The following SKIC3 variants were observed in gnomAD, a reference collection of about 807,000 sequenced individuals.
SKIC3 encodes superkiller complex protein 3.
chr5:95,536,992 C>G, the SKIC3 span: 5 of 1,602,328 alleles, frequency 3.1e-6, no homozygotes, highest in African/African-American at 6.7e-5. Context: ...GAACACTTTC[C>G]TAATTAGAAA....
chr5:95,498,144 A>T, the SKIC3 span, among the ~76,000 whole-genome samples: 1 of 152,164 alleles, frequency 6.6e-6, no homozygotes, highest in African/African-American at 2.4e-5. Flanking sequence ...TTGGGCCTTA[A>T]CCTGACTAAG....
chr5:95,475,171 A>G, the SKIC3 span, among the ~76,000 whole-genome samples: 1 of 152,004 alleles, frequency 6.6e-6, no homozygotes, highest in Admixed American at 6.6e-5. Context: ...GTACAGGGAC[A>G]CTCTGGCTGC....
the SKIC3 span, chr5:95,520,572 T>C: frequency 1.0e-4 from 67 of 652,072 alleles, no homozygotes; most frequent in Non-Finnish European, 1.6e-4. Context: ...ACATGTATGT[T>C]ATAGAATTGG....
the SKIC3 span, among the ~76,000 whole-genome samples, chr5:95,534,244 AG>A: frequency 1.3e-5 from 2 of 152,112 alleles, no homozygotes; most frequent in Admixed American, 6.5e-5. Flanking sequence ...AGACTTCCTA[AG>A]TATGCTCCTT....
At chr5:95,551,051 C>T in the SKIC3 span, among the ~76,000 whole-genome samples, 1 of 152,084 alleles carries the variant, frequency 6.6e-6, no homozygotes, top group Non-Finnish European at 1.5e-5. Context: ...TATTTACACC[C>T]AATTTGCAGC....
At chr5:95,553,718 C>T in the SKIC3 span, among the ~76,000 whole-genome samples, 1 of 152,176 alleles carries the variant, frequency 6.6e-6, no homozygotes, top group Non-Finnish European at 1.5e-5. Flanking sequence ...CGCCACCACG[C>T]CCAGTATTTT....
chr5:95,496,807 G>A, the SKIC3 span, among the ~76,000 whole-genome samples: 1 of 152,034 alleles, frequency 6.6e-6, no homozygotes, highest in Non-Finnish European at 1.5e-5. Context: ...ATTATTAGTC[G>A]TGGCAAGTGT....
the SKIC3 span, among the ~76,000 whole-genome samples, chr5:95,484,224 A>G: frequency 3.9e-5 from 6 of 152,190 alleles, no homozygotes; most frequent in Admixed American, 2.0e-4. Flanking sequence ...GTTCAAATAC[A>G]AAATGCTAAA....
At chr5:95,537,232 A>C in the SKIC3 span, 1 of 1,096,614 alleles carries the variant, frequency 9.1e-7, no homozygotes, top group Non-Finnish European at 1.4e-6. Context: ...TACACGTTCA[A>C]TTAACTGCAA....
chr5:95,484,807 G>C, the SKIC3 span: 2 of 1,614,070 alleles, frequency 1.2e-6, no homozygotes, highest in Admixed American at 3.3e-5. Flanking sequence ...CACTTTTCAA[G>C]GGACTGGTTG....
At chr5:95,501,830 T>G in the SKIC3 span, among the ~76,000 whole-genome samples, 1 of 152,164 alleles carries the variant, frequency 6.6e-6, no homozygotes, top group South Asian at 2.1e-4. Context: ...TATCTATGAT[T>G]CTTGTCACCA....
chr5:95,467,849 T>A, the SKIC3 span: 1 of 1,613,236 alleles, frequency 6.2e-7, no homozygotes, highest in African/African-American at 1.3e-5. Context: ...ACATTTTAAA[T>A]AAAATCAATG....
chr5:95,479,366 T>A, the SKIC3 span, among the ~76,000 whole-genome samples: 7 of 152,194 alleles, frequency 4.6e-5, no homozygotes, highest in Admixed American at 4.6e-4. Flanking sequence ...AAATATTCAG[T>A]AGAGTATTAC....
chr5:95,472,983 G>A, the SKIC3 span, among the ~76,000 whole-genome samples: 12 of 152,010 alleles, frequency 7.9e-5, 1 homozygote, highest in Admixed American at 7.9e-4. Context: ...TGGTGTATAT[G>A]TACCACATTT....
the SKIC3 span, among the ~76,000 whole-genome samples, chr5:95,469,517 T>A: frequency 2.6e-5 from 4 of 152,226 alleles, no homozygotes; most frequent in African/African-American, 9.6e-5. Context: ...CCTTCTTCAC[T>A]GGAAATGCTA....
At chr5:95,514,950 C>T in the SKIC3 span, 5 of 1,607,446 alleles carry the variant, frequency 3.1e-6, no homozygotes, top group African/African-American at 1.3e-5. Context: ...AAAAATATTA[C>T]AGCAAGTCAT....
the SKIC3 span, chr5:95,516,287 AT>A: frequency 1.3e-6 from 2 of 1,544,364 alleles, no homozygotes; most frequent in Non-Finnish European, 1.8e-6. Context: ...AAGCTGAGCT[AT>A]TGAGGAGACA....
the SKIC3 span, among the ~76,000 whole-genome samples, chr5:95,518,356 A>T: frequency 2.6e-5 from 4 of 152,070 alleles, no homozygotes; most frequent in Non-Finnish European, 4.4e-5. Context: ...ACTATATATT[A>T]TTGTTAACTA....
At chr5:95,480,575 T>C in the SKIC3 span, among the ~76,000 whole-genome samples, 2 of 152,174 alleles carry the variant, frequency 1.3e-5, no homozygotes, top group East Asian at 3.8e-4. Flanking sequence ...CCTGGAATGC[T>C]CATGCACTGC....
Sources: gnomAD v4.1 joint callset for allele counts (sites outside exome capture counted in the v4.1 genomes callset) on GRCh38, gnomAD v4.1.1 for gene constraint, MANE v1.5 for transcripts, NCBI Gene and HGNC (gene_info 2026-07-23, HGNC 2026-07-21) for gene names.